Variants in NEMF observed in about 807,000 individuals in gnomAD.
NEMF encodes the protein nuclear export mediator factor, also known as ribosome quality control complex subunit NEMF.
A neutral mutation model predicts 162.2 loss-of-function variants in NEMF; 89 were observed. The observed-to-expected ratio is 0.55, with a 90% confidence interval of 0.46 to 0.65. The LOEUF is 0.65. NEMF is among the 30% of genes least tolerant of loss of function. NEMF has a pLI of 0.00. For synonymous variants in NEMF, 421 were observed against 404.5 expected (o/e 1.04, Z -0.49); for missense variants, 1,133 against 1,261.9 (o/e 0.90, Z 1.55).
intron 6 of NEMF, 46 bp from the exon 7 acceptor site, chr14:49,834,495 TTTTTTG>T (rs1400244441): frequency 1.2e-5 from 17 of 1,367,486 alleles, no homozygotes; most frequent in African/African-American, 2.9e-5. Context: ...CTATAAATTC[TTTTTTG>T]TTTTTGTTTT....
chr14:49,833,629 T>C, intron 7 of NEMF, 133 bp from the exon 8 acceptor site: 1 of 525,252 alleles, frequency 1.9e-6, no homozygotes. Context: ...GAGATAGTGA[T>C]TTCATGTTTA....
chr14:49,812,202 T>C (rs1460897990), intron 18 of NEMF, among the ~76,000 whole-genome samples: 1 of 152,220 alleles, frequency 6.6e-6, no homozygotes, highest in Non-Finnish European at 1.5e-5. Flanking sequence ...TCTGTTGGTA[T>C]ATAATTGTTC....
At chr14:49,796,769 TAC>T (rs1262646514) in intron 25 of NEMF, among the ~76,000 whole-genome samples, 1 of 152,238 alleles carries the variant, frequency 6.6e-6, no homozygotes, top group African/African-American at 2.4e-5. Context: ...AGTCCAAATT[TAC>T]TTCTCCAATC....
chr14:49,783,754 A>C lies in NEMF; in HGVS notation c.*882T>G, dbSNP rs541911462. The C allele has an allele frequency of 8.5e-5, 13 of 152,316 alleles. No individual in the cohort carries two copies. Among genetic ancestry groups the C allele is most frequent in the African/African-American group, 3.1e-4 (13 of 41,570 alleles). 9.4% of individuals were successfully genotyped at this position (152,316 alleles called of 1,614,324 possible). A position where few individuals can be genotyped will look rare whatever the true frequency, so the allele number is the denominator to read the frequency against. ...ATGGTACAGAACTGAATCAGATTAC[A>C]AGGAAAAAATTAAGATCAAACCTGA... On this transcript the variant is annotated 3_prime_UTR_variant, in exon 33 of 33. Coordinates refer to ENST00000298310, the MANE Select transcript of NEMF (RefSeq NM_004713.6).
At chr14:49,841,857 G>A (rs956635334) in intron 4 of NEMF, among the ~76,000 whole-genome samples, 3 of 152,134 alleles carry the variant, frequency 2.0e-5, no homozygotes, top group African/African-American at 4.8e-5. Flanking sequence ...TGTAATCCCA[G>A]CACTGTGGGA....
chr14:49,827,424 C>A (rs953334853), intron 15 of NEMF, among the ~76,000 whole-genome samples: 1 of 151,934 alleles, frequency 6.6e-6, no homozygotes, highest in African/African-American at 2.4e-5. Flanking sequence ...TGGCTTCAAG[C>A]GATCCACCGG....
chr14:49,810,462 TA>T (rs937575839), intron 18 of NEMF, among the ~76,000 whole-genome samples: 4 of 152,166 alleles, frequency 2.6e-5, no homozygotes, highest in African/African-American at 9.7e-5. Flanking sequence ...TAACTGACCA[TA>T]AACTACAGGT....
chr14:49,832,487 A>G (rs1892695038), intron 8 of NEMF, among the ~76,000 whole-genome samples: 1 of 152,038 alleles, frequency 6.6e-6, no homozygotes, highest in Non-Finnish European at 1.5e-5. Context: ...GTGTGCCACC[A>G]TACCTGGCTA....
chr14:49,784,606 C>G lies in NEMF; in HGVS notation c.*30G>C, dbSNP rs781317995. 6.5e-7 allele frequency: 1 copy of G among 1,526,806 alleles called. No individual in the cohort carries two copies. Among genetic ancestry groups the G allele is most frequent in the South Asian group, 1.2e-5 (1 of 86,304 alleles). 94.6% of individuals were successfully genotyped at this position (1,526,806 alleles called of 1,614,324 possible). On this transcript the variant is annotated 3_prime_UTR_variant, in exon 33 of 33. Transcript: ENST00000298310. ...CTTCCAAAAGGCTATAAAATTGGCTCTTCTCAAATATTTTAGAATTTCATT... is the reference window on the plus strand; with the variant it reads ...CTTCCAAAAGGCTATAAAATTGGCTGTTCTCAAATATTTTAGAATTTCATT...
intron 19 of NEMF, among the ~76,000 whole-genome samples, chr14:49,805,657 C>A (rs565305175): frequency 2.5e-4 from 38 of 151,598 alleles, no homozygotes; most frequent in Non-Finnish European, 4.9e-4. Context: ...CAAAGATGAA[C>A]AGAAGAAAGG....
chr14:49,846,489 A>G (rs1893508410), intron 3 of NEMF, among the ~76,000 whole-genome samples: 1 of 152,228 alleles, frequency 6.6e-6, no homozygotes, highest in Admixed American at 6.5e-5. Context: ...TTTTTAAGAC[A>G]GGGTCTCACT....
chr14:49,851,741 T>C, intron 2 of NEMF, 66 bp downstream of exon 2: 1 of 1,471,720 alleles, frequency 6.8e-7, no homozygotes, highest in Non-Finnish European at 9.4e-7. Context: ...AAAATGTAGG[T>C]TAAAAAAAAT....
intron 19 of NEMF, among the ~76,000 whole-genome samples, chr14:49,805,189 T>G (rs1419557536): frequency 6.6e-6 from 1 of 152,146 alleles, no homozygotes; most frequent in Non-Finnish European, 1.5e-5. Context: ...CAGCATATAA[T>G]ATAAAAAGAT....
chr14:49,799,943 A>T (rs1035636759), intron 23 of NEMF, among the ~76,000 whole-genome samples: 4 of 152,196 alleles, frequency 2.6e-5, no homozygotes, highest in Non-Finnish European at 5.9e-5. Flanking sequence ...CCAAATCCCT[A>T]TGAAAGGGAT....
intron 11 of NEMF, 40 bp from the exon 12 acceptor site, chr14:49,829,466 T>C: frequency 7.3e-6 from 11 of 1,502,438 alleles, no homozygotes; most frequent in Non-Finnish European, 9.1e-6. Context: ...ATTAGATTTC[T>C]CCTACCTCAT....
intron 18 of NEMF, among the ~76,000 whole-genome samples, chr14:49,811,207 T>G (rs564219306): frequency 6.6e-6 from 1 of 152,352 alleles, no homozygotes; most frequent in East Asian, 1.9e-4. Flanking sequence ...TTCTTTTTAA[T>G]GCTAATTATA....
rs1890063938 is a variant in NEMF at position 49,784,490 on chromosome 14, G to GT, written c.*145_*146insA. 2 of 598,760 alleles carry GT rather than the reference G, an allele frequency of 3.3e-6. No homozygotes were observed. Among genetic ancestry groups the GT allele is most frequent in the Non-Finnish European group, 5.9e-6 (2 of 341,694 alleles). 37.1% of individuals were successfully genotyped at this position (598,760 alleles called of 1,614,324 possible). A position where few individuals can be genotyped will look rare whatever the true frequency, so the allele number is the denominator to read the frequency against. On this transcript the variant is annotated 3_prime_UTR_variant, in exon 33 of 33. Transcript: ENST00000298310. ...TCTATATAAAACTGGGAAAAAACAA[G>GT]AAGTAAGTCCTTTTGGTGAATATAG...
chr14:49,846,299 A>C (rs1386661369), intron 3 of NEMF, 34 bp from the exon 4 acceptor site: 1 of 1,599,088 alleles, frequency 6.3e-7, no homozygotes, highest in East Asian at 2.2e-5. Flanking sequence ...TTCATTTAGT[A>C]AAAGTGAATT....
chr14:49,794,468 T>A (rs972404437), intron 26 of NEMF, among the ~76,000 whole-genome samples: 12 of 151,906 alleles, frequency 7.9e-5, no homozygotes, highest in Non-Finnish European at 1.6e-4. Flanking sequence ...TATAGCCTAG[T>A]GTGGTGGCAT....
Sources: allele counts gnomAD v4.1 joint callset (sites outside exome capture counted in the v4.1 genomes callset), GRCh38; gene constraint gnomAD v4.1.1; transcripts MANE v1.5; gene names NCBI Gene and HGNC (gene_info 2026-07-23, HGNC 2026-07-21).